The following GREB1L variants were observed in gnomAD, a reference collection of about 807,000 sequenced individuals.
GREB1L encodes GREB1-like protein.
In GREB1L, 17 loss-of-function variants were observed where a neutral mutation model predicts 200.8. The ratio of observed to expected loss-of-function variants is 0.08; its 90% CI spans 0.06 to 0.13. GREB1L has a LOEUF of 0.13. Among genes scored for constraint, GREB1L ranks in the 10% least tolerant of loss-of-function variants. GREB1L has a pLI of 1.00. For synonymous variants in GREB1L, 789 were observed against 893.0 expected (o/e 0.88, Z 2.08); for missense variants, 1,657 against 2,367.7 (o/e 0.70, Z 6.23).
chr18:21,499,691 G>T, intron 21 of GREB1L, 38 bp from the exon 22 acceptor site: 1 of 1,438,318 alleles, frequency 7.0e-7, no homozygotes, highest in South Asian at 1.2e-5. Flanking sequence ...ATCAGTAACA[G>T]AGCTGCTGTG....
intron 1 of GREB1L, among the ~76,000 whole-genome samples, chr18:21,280,449 A>G (rs575683018): frequency 6.8e-6 from 1 of 147,518 alleles, no homozygotes; most frequent in Non-Finnish European, 1.5e-5. Context: ...CAGTTTACCT[A>G]TTCACCTTTT....
chr18:21,418,437 T>C (rs2031849888), intron 7 of GREB1L, among the ~76,000 whole-genome samples: 1 of 152,246 alleles, frequency 6.6e-6, no homozygotes, highest in Admixed American at 6.5e-5. Context: ...GTTATATAAA[T>C]AATTGTTATA....
chr18:21,409,657 A>T (rs73960423), intron 7 of GREB1L, among the ~76,000 whole-genome samples: 1,529 of 152,298 alleles, frequency 0.01, 31 homozygotes, highest in African/African-American at 0.035. Context: ...CAGTGGGGTG[A>T]GCAGTTTTTC....
intron 1 of GREB1L, among the ~76,000 whole-genome samples, chr18:21,273,415 A>T (rs567496816): frequency 6.6e-6 from 1 of 152,128 alleles, no homozygotes; most frequent in South Asian, 2.1e-4. Context: ...GTGGCCTTAT[A>T]TTTCACATCT....
chr18:21,254,061 ATTT>A (rs547876546), intron 1 of GREB1L, among the ~76,000 whole-genome samples: 1 of 70,426 alleles, frequency 1.4e-5, no homozygotes. Flanking sequence ...TTTCAGGCAT[ATTT>A]TTTTTTTTTT....
At chr18:21,374,850 C>CTTTT (rs535722957) in intron 2 of GREB1L, among the ~76,000 whole-genome samples, 4 of 130,258 alleles carry the variant, frequency 3.1e-5, no homozygotes, top group Non-Finnish European at 6.5e-5. Flanking sequence ...TTTCCTTTTC[C>CTTTT]TTTTTTTTTT....
intron 1 of GREB1L, among the ~76,000 whole-genome samples, chr18:21,321,588 G>T (rs2038952294): frequency 6.6e-6 from 1 of 152,048 alleles, no homozygotes; most frequent in African/African-American, 2.4e-5. Context: ...TTGGGAAGCT[G>T]AGGCAGGAGA....
Position 21,499,760 on chromosome 18 carries a change from C to G in GREB1L, c.3423C>G (p.Ser1141=). ...TCATGGAGAATGGAGTGAGCTCTTC[C>G]AGCACAGCTGACAAGTCCCAGAAGC... ...GSIMENGVSS[S]STADKSQKQS... is the part of the protein sequence containing the mutation. The change falls in exon 22 of 33, where the codon TCC becomes TCG. Residue 1141 remains serine, a synonymous_variant. Transcript: ENST00000424526. The G allele has an allele frequency of 6.4e-7, 1 of 1,552,050 alleles. No homozygotes were observed. Among genetic ancestry groups the G allele is most frequent in the Non-Finnish European group, 8.7e-7 (1 of 1,147,042 alleles).
intron 1 of GREB1L, among the ~76,000 whole-genome samples, chr18:21,261,193 A>G (rs1050267646): frequency 6.6e-6 from 1 of 152,020 alleles, no homozygotes; most frequent in African/African-American, 2.4e-5. Context: ...TTTTTCCAAC[A>G]CACAGTTGCT....
At chr18:21,456,771 G>C (rs1441401928) in intron 15 of GREB1L, among the ~76,000 whole-genome samples, 1 of 152,172 alleles carries the variant, frequency 6.6e-6, no homozygotes, top group South Asian at 2.1e-4. Flanking sequence ...AAACCAAAGT[G>C]AGTTCTCTCT....
chr18:21,369,805 C>A (rs2039804489), intron 2 of GREB1L, among the ~76,000 whole-genome samples: 1 of 151,628 alleles, frequency 6.6e-6, no homozygotes, highest in African/African-American at 2.4e-5. Flanking sequence ...AAAAATTAGC[C>A]AAGCGTGGTG....
chr18:21,378,803 C>CT (rs1196362265), intron 2 of GREB1L, among the ~76,000 whole-genome samples: 1 of 152,032 alleles, frequency 6.6e-6, no homozygotes. Flanking sequence ...ATTGCTAATG[C>CT]TTTTGTAGGA....
intron 1 of GREB1L, among the ~76,000 whole-genome samples, chr18:21,343,031 G>A (rs2039290831): frequency 1.3e-5 from 2 of 151,580 alleles, no homozygotes; most frequent in Non-Finnish European, 2.9e-5. Context: ...GACCAATTTG[G>A]TTATTTAAAA....
chr18:21,299,802 T>C (rs1446405477), intron 1 of GREB1L, among the ~76,000 whole-genome samples: 1 of 152,220 alleles, frequency 6.6e-6, no homozygotes, highest in African/African-American at 2.4e-5. Context: ...AAGGCAGATA[T>C]ATTTTGAAAC....
At chr18:21,341,902 AC>A (rs556044507) in intron 1 of GREB1L, among the ~76,000 whole-genome samples, 64 of 152,230 alleles carry the variant, frequency 4.2e-4, no homozygotes, top group African/African-American at 1.5e-3. Context: ...CGATGGGAAT[AC>A]TTTTCAAAGG....
In GREB1L at chr18:21,444,421, T is replaced by C; in HGVS notation, c.1393+12T>C. On this transcript the variant is annotated intron_variant, in intron 11 of 32. Transcript: ENST00000424526. ...TCTTGTGCGGCTGGGTAAGTCATTT[T>C]CCATAATCATTTGCTGGTGACTACT... The C allele has an allele frequency of 6.5e-7, 1 of 1,544,394 alleles. No individual in the cohort carries two copies.
intron 1 of GREB1L, among the ~76,000 whole-genome samples, chr18:21,285,534 G>A (rs2038341778): frequency 6.6e-6 from 1 of 152,168 alleles, no homozygotes; most frequent in South Asian, 2.1e-4. Flanking sequence ...ACCAATGCAG[G>A]AAGAACTTGG....
intron 15 of GREB1L, among the ~76,000 whole-genome samples, chr18:21,472,415 G>T (rs1319157978): frequency 3.3e-5 from 5 of 152,162 alleles, no homozygotes; most frequent in Non-Finnish European, 7.3e-5. Context: ...AATATTTTGA[G>T]AATATAGCAG....
At position 21,495,744 on chromosome 18, in the gene GREB1L, G is replaced by A; in HGVS notation, c.3105G>A (p.Val1035=). The A allele has an allele frequency of 6.5e-7, 1 of 1,545,330 alleles. No individual in the cohort carries two copies. Among genetic ancestry groups the A allele is most frequent in the Non-Finnish European group, 8.8e-7 (1 of 1,142,778 alleles). ...ATTTAGACGGTCTACCTTGTATTGT[G>A]ATATTAACTGGCAAAGATCCTCTTG... The part of the protein sequence containing the change: ...YQDLDGLPCI[V]ILTGKDPLGE... The change falls in exon 20 of 33, where the codon GTG becomes GTA. Residue 1035 remains valine, a synonymous_variant. Coordinates refer to ENST00000424526, the MANE Select transcript of GREB1L (RefSeq NM_001142966.3).
Sources: gnomAD v4.1 joint callset for allele counts (sites outside exome capture counted in the v4.1 genomes callset) on GRCh38, gnomAD v4.1.1 for gene constraint, MANE v1.5 for transcripts, NCBI Gene and HGNC (gene_info 2026-07-23, HGNC 2026-07-21) for gene names.